Variants in COL5A1 observed in about 807,000 individuals in gnomAD.
COL5A1 encodes the protein collagen alpha-1(V) chain.
COL5A1 carries 16 observed loss-of-function variants against 263.7 expected under a neutral mutation model. That is an observed-to-expected ratio of 0.06 (90% CI 0.04 to 0.09). The LOEUF (loss-of-function observed/expected upper bound fraction) is 0.09. COL5A1 is among the 10% of genes least tolerant of loss of function. The pLI is 1.00. For missense variants in COL5A1, 2,036 were observed against 2,540.5 expected, an observed-to-expected ratio of 0.80 and a Z score of 4.27; for synonymous variants, 1,012 against 1,004.5, an observed-to-expected ratio of 1.01 and a Z score of -0.14.
chr9:134,791,691 C>T (rs114023240), intron 32 of COL5A1, among the ~76,000 whole-genome samples: 1,655 of 152,212 alleles, frequency 0.011, 28 homozygotes, highest in African/African-American at 0.037. Flanking sequence ...TTCTGCGCCT[C>T]GGTGAACAGA....
At chr9:134,644,214 G>A (rs1175069520) in intron 1 of COL5A1, among the ~76,000 whole-genome samples, 1 of 128,080 alleles carries the variant, frequency 7.8e-6, no homozygotes, top group Non-Finnish European at 1.7e-5. Flanking sequence ...GGGAGGGGGC[G>A]GCTGTCCACT....
chr9:134,827,442 G>T (rs1839334738), intron 63 of COL5A1, among the ~76,000 whole-genome samples: 1 of 152,240 alleles, frequency 6.6e-6, no homozygotes, highest in Non-Finnish European at 1.5e-5. Context: ...CAAACACGGG[G>T]GCCTTCCATC....
Position 134,812,616 on chromosome 9 carries a change from TC to T in COL5A1, c.3761del (p.Pro1254LeufsTer22). ...GDVGQMGPPG[P>X]PGPRGPSGAP... is the part of the protein sequence containing the mutation. ...CTCCCTTTTCCTAGGGCCCCCCGGG[TC>T]CCCCTGGCCCCCGAGGACCCTCCGG... is the stretch of plus-strand genomic sequence containing the variant. On this transcript the variant is annotated frameshift_variant, in exon 48 of 66. Transcript: ENST00000371817. LOFTEE classifies it high-confidence loss of function. The T allele has an allele frequency of 6.2e-7, 1 of 1,604,676 alleles. No homozygotes were observed. The highest frequency in any genetic ancestry group is 8.5e-7 in the Non-Finnish European group (1 of 1,175,086).
At position 134,758,585 on chromosome 9, in the gene COL5A1, GC is replaced by G. The variant is rs1836078026; in HGVS notation, c.1935+292del. Among the ~76,000 whole-genome samples, 1 of 152,134 alleles carries G rather than the reference GC, an allele frequency of 6.6e-6. No homozygotes were observed. Among genetic ancestry groups the G allele is most frequent in the African/African-American group, 2.4e-5 (1 of 41,428 alleles). ...GGCGCGTGAAGGGGGCAGGGAAGGA[GC>G]CCTTCCTTTTAGAGATCTGTTTAAT... On this transcript the variant is annotated intron_variant, in intron 18 of 65. Transcript: ENST00000371817. This position sits in a 1 kb window ranked among gnomAD's most constrained non-coding sequence, Gnocchi z 4.1.
rs143296254 is a variant in COL5A1 at position 134,686,054 on chromosome 9, C to T, written c.110-4858C>T. 2.6e-5 allele frequency among the ~76,000 whole-genome samples: 4 copies of T among 152,350 alleles called. No individual in the cohort carries two copies. The highest frequency in any genetic ancestry group is 4.4e-5 in the Non-Finnish European group (3 of 68,040). On this transcript the variant is annotated intron_variant, in intron 1 of 65. Coordinates refer to ENST00000371817, the MANE Select transcript of COL5A1 (RefSeq NM_000093.5). The surrounding 1 kb of genome is among the most constrained non-coding windows in gnomAD (Gnocchi z 4.6). ...CATCTATCCACCATTCATTTATCCACTATCCATCCATTCATCCGTCCATCC... is the reference window on the plus strand; with the variant it reads ...CATCTATCCACCATTCATTTATCCATTATCCATCCATTCATCCGTCCATCC...
At chr9:134,836,799 C>T (rs902641710) in intron 65 of COL5A1, among the ~76,000 whole-genome samples, 1 of 152,248 alleles carries the variant, frequency 6.6e-6, no homozygotes, top group African/African-American at 2.4e-5. Flanking sequence ...CAGGGCCATC[C>T]CGCGGCCAGG....
At chr9:134,689,852 C>T (rs986113656) in intron 1 of COL5A1, among the ~76,000 whole-genome samples, 9 of 152,140 alleles carry the variant, frequency 5.9e-5, no homozygotes, top group South Asian at 2.1e-4. Context: ...ACCATTCTGT[C>T]GCTGTGATGC....
chr9:134,735,696 A>G (rs1835072666), intron 9 of COL5A1, among the ~76,000 whole-genome samples: 1 of 152,244 alleles, frequency 6.6e-6, no homozygotes, highest in Admixed American at 6.5e-5. Flanking sequence ...CTTGATGGCC[A>G]GTGGTTTCTC....
rs1455714114 is a variant in COL5A1 at position 134,716,639 on chromosome 9, G to C, written c.655-10627G>C. 6.6e-6 allele frequency among the ~76,000 whole-genome samples: 1 copy of C among 152,278 alleles called. No individual in the cohort carries two copies. The highest frequency in any genetic ancestry group is 1.9e-4 in the East Asian group (1 of 5,174). ...CCCCTGCCATTGGTGCTGCCATTTC[G>C]TCCCTTGGTCTAGAGATGAGGCCCC... On this transcript the variant is annotated intron_variant, in intron 4 of 65. Coordinates refer to ENST00000371817, the MANE Select transcript of COL5A1 (RefSeq NM_000093.5). This position sits in a 1 kb window ranked among gnomAD's most constrained non-coding sequence, Gnocchi z 4.5.
At chr9:134,713,920 G>C (rs908674712) in intron 4 of COL5A1, among the ~76,000 whole-genome samples, 2 of 152,210 alleles carry the variant, frequency 1.3e-5, no homozygotes, top group African/African-American at 4.8e-5. Context: ...AGCAGACTGA[G>C]ACCAGTGATG....
intron 18 of COL5A1, among the ~76,000 whole-genome samples, chr9:134,759,780 T>C (rs1288132414): frequency 1.4e-5 from 1 of 70,618 alleles, no homozygotes; most frequent in African/African-American, 5.4e-5. Flanking sequence ...CCCACACTCA[T>C]ACACACATGC....
At position 134,767,247 on chromosome 9, in the gene COL5A1, A is replaced by T. The variant is rs1836707866; in HGVS notation, c.2188-63A>T. The T allele has an allele frequency of 1.7e-5, 27 of 1,550,772 alleles. No homozygotes were observed. In the South Asian group the frequency reaches 3.0e-4, roughly 17 times the overall value. On this transcript the variant is annotated intron_variant, in intron 23 of 65. Coordinates refer to ENST00000371817, the MANE Select transcript of COL5A1 (RefSeq NM_000093.5). ...ATCAATGAGAAGATGGACAGATGGC[A>T]GGGGAGGGTTCTGAGTCAATCAGCG... is the stretch of plus-strand genomic sequence containing the variant.
chr9:134,661,543 G>C (rs141416305), intron 1 of COL5A1, among the ~76,000 whole-genome samples: 5 of 151,954 alleles, frequency 3.3e-5, no homozygotes, highest in African/African-American at 1.2e-4. Context: ...CTGTGAGGAC[G>C]TGCCCAGTTG....
intron 52 of COL5A1, among the ~76,000 whole-genome samples, chr9:134,816,276 G>C (rs1838741148): frequency 6.6e-6 from 1 of 152,212 alleles, no homozygotes; most frequent in Admixed American, 6.5e-5. Context: ...GGCTCGCCCG[G>C]GAACGTCAGA....
In COL5A1 at chr9:134,774,803, C is replaced by T. The variant is rs536769870; in HGVS notation, c.2332-56C>T. On this transcript the variant is annotated intron_variant, in intron 26 of 65. Coordinates refer to ENST00000371817, the MANE Select transcript of COL5A1 (RefSeq NM_000093.5). Reference sequence around the variant, plus strand: ...CCGAACTCTGGAGTTTCCTGATGTTCCCCAGGCACCTCCACACTGGCATGG... The same window carrying T: ...CCGAACTCTGGAGTTTCCTGATGTTTCCCAGGCACCTCCACACTGGCATGG... 5.6e-5 allele frequency: 87 copies of T among 1,566,014 alleles called. No individual in the cohort carries two copies. The East Asian group carries it at 1.7e-3, about 30-fold the overall frequency.
chr9:134,769,046 T>C (rs927815025), intron 25 of COL5A1, among the ~76,000 whole-genome samples: 1 of 152,110 alleles, frequency 6.6e-6, no homozygotes, highest in African/African-American at 2.4e-5. Flanking sequence ...TGTACATGAG[T>C]GTGAGCTGAT....
rs55768823 is a variant in COL5A1 at position 134,820,486 on chromosome 9, G to A, written c.4554+263G>A. 0.042 allele frequency among the ~76,000 whole-genome samples: 6,322 copies of A among 152,282 alleles called. 184 individuals are homozygous for A. The highest frequency in any genetic ancestry group is 0.087 in the African/African-American group (3,615 of 41,564). Reference sequence around the variant, plus strand: ...CCTCATGACCGTGGTGTCCCCCAGAGCTGGAGGGACTCGGAAGTCAGGTCA... The same window carrying A: ...CCTCATGACCGTGGTGTCCCCCAGAACTGGAGGGACTCGGAAGTCAGGTCA... On this transcript the variant is annotated intron_variant, in intron 58 of 65. Transcript: ENST00000371817.
At chr9:134,671,173 G>T (rs534926913) in intron 1 of COL5A1, among the ~76,000 whole-genome samples, 1 of 152,172 alleles carries the variant, frequency 6.6e-6, no homozygotes, top group Non-Finnish European at 1.5e-5. Context: ...GAGGGCAGAC[G>T]GAGCTGTTCA....
chr9:134,782,558 C>A (rs755676002), intron 28 of COL5A1, 109 bp from the exon 29 acceptor site: 1 of 1,057,362 alleles, frequency 9.5e-7, no homozygotes, highest in Non-Finnish European at 1.5e-6. Flanking sequence ...TGCTGCCCCC[C>A]AAGCGTGGGG....
Sources: allele counts gnomAD v4.1 joint callset (sites outside exome capture counted in the v4.1 genomes callset), GRCh38; gene constraint gnomAD v4.1.1; non-coding constraint Gnocchi (gnomAD v3.1); transcripts MANE v1.5; gene names NCBI Gene and HGNC (gene_info 2026-07-23, HGNC 2026-07-21).